Variants in TOP2A observed in about 807,000 individuals in gnomAD.
The protein encoded by TOP2A is DNA topoisomerase 2-alpha.
In TOP2A, 68 loss-of-function variants were observed where a neutral mutation model predicts 187.2. The ratio of observed to expected loss-of-function variants is 0.36; its 90% CI spans 0.30 to 0.44. The LOEUF is 0.44. Ranked by LOEUF, TOP2A falls within the 20% of genes least tolerant of loss-of-function variation. The probability of loss-of-function intolerance (pLI) is 1.00; values close to 1 mark genes in which losing one functional copy is unlikely to be tolerated. For missense variants in TOP2A, 1,196 were observed against 1,808.7 expected (o/e 0.66, Z 6.14); for synonymous variants, 542 against 593.2 (o/e 0.91, Z 1.25).
chr17:40,401,630 A>G (rs1270501222), intron 20 of TOP2A, among the ~76,000 whole-genome samples: 1 of 151,976 alleles, frequency 6.6e-6, no homozygotes, highest in Non-Finnish European at 1.5e-5. Flanking sequence ...AATCACTTGA[A>G]CCCAGGAGGC....
At chr17:40,395,193 G>GA (rs1444183597) in intron 29 of TOP2A, among the ~76,000 whole-genome samples, 3 of 146,482 alleles carry the variant, frequency 2.0e-5, no homozygotes, top group Admixed American at 7.1e-5. Flanking sequence ...TGAGGCAGGA[G>GA]AATCGCTTGA....
intron 4 of TOP2A, 43 bp downstream of exon 4, chr17:40,415,962 A>G: frequency 7.4e-7 from 1 of 1,349,314 alleles, no homozygotes; most frequent in Non-Finnish European, 1.0e-6. Context: ...TGCAGCTAAC[A>G]ATAGCAACGA....
rs2034994364 is a variant in TOP2A at position 40,389,335 on chromosome 17, G to T, written c.*184C>A. On this transcript the variant is annotated 3_prime_UTR_variant, in exon 35 of 35. Coordinates refer to ENST00000423485, the MANE Select transcript of TOP2A (RefSeq NM_001067.4). ...AGAAGAAAACAATGCCCATGAGATGGTCACTATTTAGACAGTATTATAAAA... is the reference window on the plus strand; with the variant it reads ...AGAAGAAAACAATGCCCATGAGATGTTCACTATTTAGACAGTATTATAAAA... 1.9e-6 allele frequency: 1 copy of T among 531,810 alleles called. No individual in the cohort carries two copies. Among genetic ancestry groups the T allele is most frequent in the Non-Finnish European group, 3.1e-6 (1 of 318,516 alleles). 32.9% of individuals were successfully genotyped at this position (531,810 alleles called of 1,614,324 possible). A position where few individuals can be genotyped will look rare whatever the true frequency, so the allele number is the denominator to read the frequency against.
rs2035325829 is a variant in TOP2A, at chr17:40,411,850, A to G, written c.790-32T>C. On this transcript the variant is annotated intron_variant, in intron 7 of 34. Transcript: ENST00000423485. This position sits in a 1 kb window ranked among gnomAD's most constrained non-coding sequence, Gnocchi z 4.4. ...AGGAATTAAAGGTAACAGTATTAAG[A>G]AAGTTATTAAAAAATAGGTTCAATG... The G allele has an allele frequency of 6.6e-7, 1 of 1,521,364 alleles. No individual in the cohort carries two copies. Among genetic ancestry groups the G allele is most frequent in the Non-Finnish European group, 8.8e-7 (1 of 1,135,926 alleles). The allele number at this position is 1,521,364 out of a possible 1,614,324, so 94.2% of individuals were successfully genotyped here.
chr17:40,413,592 T>G lies in TOP2A; in HGVS notation c.366A>C (p.Gly122=). The change falls in exon 5 of 35, where the codon GGA becomes GGC. Residue 122 remains glycine (G), a synonymous_variant. Coordinates refer to ENST00000423485, the MANE Select transcript of TOP2A (RefSeq NM_001067.4). ...TGTGTTCAACAACAGGAATACCTTTTCCATTATTCCATATACTAATTAAAT... is the reference window on the plus strand; with the variant it reads ...TGTGTTCAACAACAGGAATACCTTTGCCATTATTCCATATACTAATTAAAT... ...ENNLISIWNN[G]KGIPVVEHKV... 1 of 1,449,544 alleles carries G rather than the reference T, an allele frequency of 6.9e-7. No individual in the cohort carries two copies. 89.8% of individuals were successfully genotyped at this position (1,449,544 alleles called of 1,614,324 possible).
rs752800546 is a variant in TOP2A, at chr17:40,416,912, A to AAG, written c.22-19_22-18dup. ...ATTTACAGGCTAGCAATTAAAAAAAAAGAGAGAAAGAAGGGAATTTTTAAT... is the reference window on the plus strand; with the variant it reads ...ATTTACAGGCTAGCAATTAAAAAAAAAGAGAGAGAAAGAAGGGAATTTTTAAT... On this transcript the variant is annotated splice_polypyrimidine_tract_variant and intron_variant, in intron 1 of 34. Coordinates refer to ENST00000423485, the MANE Select transcript of TOP2A (RefSeq NM_001067.4). 35 of 1,569,496 alleles carry AAG rather than the reference A, an allele frequency of 2.2e-5. No homozygotes were observed. The highest frequency in any genetic ancestry group is 2.9e-5 in the Non-Finnish European group (34 of 1,162,234).
chr17:40,404,449 C>T lies in TOP2A; in HGVS notation c.2089G>A (p.Asp697Asn). 6.2e-7 allele frequency: 1 copy of T among 1,611,176 alleles called. No homozygotes were observed. Among genetic ancestry groups the T allele is most frequent in the Non-Finnish European group, 8.5e-7 (1 of 1,177,808 alleles). ...AAGATAAGTTCCTTGTTGATGAAGT[C>T]ATTATATGTCAGATATGTGGTAGTT... Reference protein sequence around the residue: ...GQTTTYLTYNDFINKELILFS... With the variant: ...GQTTTYLTYNNFINKELILFS... Residue 697 changes from aspartate to asparagine, a missense_variant, in exon 18 of 35, where the codon GAC becomes AAC. This residue lies in a region of TOP2A where 209 missense variants were observed against 376.9 expected (regional missense o/e 0.55). Transcript: ENST00000423485.
chr17:40,413,163 A>G (rs1192056149), intron 6 of TOP2A, 32 bp downstream of exon 6: 2 of 1,474,988 alleles, frequency 1.4e-6, no homozygotes, highest in Non-Finnish European at 1.9e-6. Flanking sequence ...ACTACCATTT[A>G]TCATTAAGGT....
At chr17:40,391,366 C>A (rs999005071) in intron 33 of TOP2A, 140 bp downstream of exon 33, 1 of 842,942 alleles carries the variant, frequency 1.2e-6, no homozygotes, top group African/African-American at 1.8e-5. Flanking sequence ...TTATAAAGAT[C>A]GAAAAGAAAT....
chr17:40,399,957 G>A lies in TOP2A; in HGVS notation c.3111C>T (p.Leu1037=), dbSNP rs1754702469. The change falls in exon 24 of 35, where the codon CTC becomes CTT. Residue 1037 remains leucine (L), a synonymous_variant. Transcript: ENST00000423485. ...CAGATTCAGCACCAAGCATTCCTAG[G>A]AGCCATTCTTTTCTTAATCCATAAT... ...LKYYGLRKEW[L]LGMLGAESAK... 6.2e-7 allele frequency: 1 copy of A among 1,613,376 alleles called. No individual in the cohort carries two copies. The highest frequency in any genetic ancestry group is 8.5e-7 in the Non-Finnish European group (1 of 1,179,704).
In TOP2A at chr17:40,400,398, T is replaced by C. The variant is rs927274468; in HGVS notation, c.2811A>G (p.Glu937=). 7.4e-6 allele frequency: 12 copies of C among 1,613,414 alleles called. No homozygotes were observed. The Middle Eastern group carries it at 1.3e-3, about 177-fold the overall frequency. The part of the protein sequence containing the change: ...PVRTWTQTYK[E]QVLEPMLNGT... ...CATTCAACATGGGTTCTAGAACTTGTTCTTTGTATGTCTAAAGAAAGAAAT... is the reference window on the plus strand; with the variant it reads ...CATTCAACATGGGTTCTAGAACTTGCTCTTTGTATGTCTAAAGAAAGAAAT... Residue 937 remains glutamate (E), a synonymous_variant, in exon 23 of 35, where the codon GAA becomes GAG. Transcript: ENST00000423485.
At chr17:40,393,497 GT>G (rs976567481) in intron 29 of TOP2A, among the ~76,000 whole-genome samples, 1 of 152,036 alleles carries the variant, frequency 6.6e-6, no homozygotes, top group Non-Finnish European at 1.5e-5. Context: ...GTGAAACCCT[GT>G]CTCAAAAAAA....
Position 40,399,093 on chromosome 17 carries a change from G to C in TOP2A, c.3235C>G (p.Gln1079Glu). 1 of 1,578,854 alleles carries C rather than the reference G, an allele frequency of 6.3e-7. No homozygotes were observed. The highest frequency in any genetic ancestry group is 1.3e-5 in the African/African-American group (1 of 74,290). ...PKKELIKVLIQRGYDSDPVKA... is the reference protein window; with the variant it reads ...PKKELIKVLIERGYDSDPVKA... Reference sequence around the variant, plus strand: ...ACAGGATCCGAATCATATCCCCTCTGAATCAGAACTTTAATTAATTCTTTC... The same window carrying C: ...ACAGGATCCGAATCATATCCCCTCTCAATCAGAACTTTAATTAATTCTTTC... Residue 1079 changes from glutamine to glutamate, a missense_variant, in exon 25 of 35, where the codon CAG becomes GAG. Coordinates refer to ENST00000423485, the MANE Select transcript of TOP2A (RefSeq NM_001067.4).
At chr17:40,406,720 T>C in intron 14 of TOP2A, 31 bp from the exon 15 acceptor site, 1 of 1,601,090 alleles carries the variant, frequency 6.2e-7, no homozygotes, top group Non-Finnish European at 8.6e-7. Flanking sequence ...TGTGGCTTTG[T>C]ACACTGTGGG....
chr17:40,402,812 T>C, intron 20 of TOP2A, 94 bp downstream of exon 20: 1 of 1,377,926 alleles, frequency 7.3e-7, no homozygotes, highest in East Asian at 2.5e-5. Context: ...CAGTATCTTC[T>C]GATTAACTGA....
Position 40,411,872 on chromosome 17 carries a change from A to G in TOP2A, c.790-54T>C, listed in dbSNP as rs1439421546. The G allele has an allele frequency of 1.3e-5, 19 of 1,424,208 alleles. No homozygotes were observed. The highest frequency in any genetic ancestry group is 2.9e-5 in the South Asian group (2 of 70,022). The allele number at this position is 1,424,208 out of a possible 1,614,324, so 88.2% of individuals were successfully genotyped here. A position where few individuals can be genotyped will look rare whatever the true frequency, so the allele number is the denominator to read the frequency against. ...AAGAAAGTTATTAAAAAATAGGTTC[A>G]ATGATAGACTATGAGGACTTTCCAA... On this transcript the variant is annotated intron_variant, in intron 7 of 34. Coordinates refer to ENST00000423485, the MANE Select transcript of TOP2A (RefSeq NM_001067.4). This position sits in a 1 kb window ranked among gnomAD's most constrained non-coding sequence, Gnocchi z 4.4.
intron 27 of TOP2A, among the ~76,000 whole-genome samples, chr17:40,397,293 T>C (rs2143638136): frequency 6.6e-6 from 1 of 151,504 alleles, no homozygotes; most frequent in Admixed American, 6.6e-5. Flanking sequence ...TCCTTTTTTT[T>C]TTTTTTTTTT....
intron 10 of TOP2A, among the ~76,000 whole-genome samples, chr17:40,410,871 GATTA>G (rs765203260): frequency 2.6e-5 from 4 of 152,200 alleles, no homozygotes; most frequent in Non-Finnish European, 4.4e-5. Flanking sequence ...TAAACAGCTA[GATTA>G]ATTCAAAAGT....
chr17:40,392,929 G>A (rs1035986426), intron 29 of TOP2A, among the ~76,000 whole-genome samples, 192 bp from the exon 30 acceptor site: 3 of 152,092 alleles, frequency 2.0e-5, no homozygotes, highest in Non-Finnish European at 2.9e-5. Context: ...AAATGTGGCC[G>A]GGCACAGTGG....
Sources: allele counts gnomAD v4.1 joint callset (sites outside exome capture counted in the v4.1 genomes callset), GRCh38; gene constraint gnomAD v4.1.1; regional missense constraint gnomAD v4.1.1; non-coding constraint Gnocchi (gnomAD v3.1); transcripts MANE v1.5; gene names NCBI Gene and HGNC (gene_info 2026-07-23, HGNC 2026-07-21).